Variants in LRP5 observed in about 807,000 individuals in gnomAD.
LRP5 encodes the protein LDL receptor related protein 5.
In LRP5, 62 loss-of-function variants were observed where a neutral mutation model predicts 154.1. The observed-to-expected ratio is 0.40, with a 90% confidence interval of 0.33 to 0.50. The LOEUF (loss-of-function observed/expected upper bound fraction) is 0.50. Ranked by LOEUF, LRP5 falls within the 20% of genes least tolerant of loss-of-function variation. LRP5 has a pLI of 0.55. For synonymous variants in LRP5, 966 were observed against 1,011.5 expected (o/e 0.96, Z 0.85); for missense variants, 1,915 against 2,336.7 (o/e 0.82, Z 3.72).
In LRP5 at chr11:68,423,439, C is replaced by T. The variant is rs1271746531; in HGVS notation, c.3028-50C>T. 1.3e-6 allele frequency: 2 copies of T among 1,560,270 alleles called. No homozygotes were observed. The highest frequency in any genetic ancestry group is 4.5e-5 in the East Asian group (2 of 44,626). ...CCAGTGCCAGGGGTCTCCGCCAGTG[C>T]CCAGGGGTCTCCGCCAGTGCTCAGG... On this transcript the variant is annotated intron_variant, in intron 13 of 22. Coordinates refer to ENST00000294304, the MANE Select transcript of LRP5 (RefSeq NM_002335.4). The surrounding 1 kb of genome is among the most constrained non-coding windows in gnomAD (Gnocchi z 4.7).
At chr11:68,365,958 G>A (rs1282629784) in intron 5 of LRP5, among the ~76,000 whole-genome samples, 1 of 152,046 alleles carries the variant, frequency 6.6e-6, no homozygotes, top group Non-Finnish European at 1.5e-5. Flanking sequence ...TTTACTCTCC[G>A]CCTTGGTCCT....
At chr11:68,391,924 C>T (rs2098646573) in intron 7 of LRP5, among the ~76,000 whole-genome samples, 1 of 152,208 alleles carries the variant, frequency 6.6e-6, no homozygotes, top group African/African-American at 2.4e-5. Flanking sequence ...TCGCTGTAGC[C>T]TCAATCTCCC....
rs114147743 is a variant in LRP5, at chr11:68,395,954, A to G, written c.1584+5902A>G. Among the ~76,000 whole-genome samples the G allele has an allele frequency of 7.2e-3, 1,096 of 152,106 alleles. 18 individuals are homozygous for G. Among genetic ancestry groups the G allele is most frequent in the African/African-American group, 0.025 (1,037 of 41,496 alleles). ...AGCAAACCCTCCTGGCACTTTGTTC[A>G]GGGGTGGATGCGCCAGTGTTCCTGC... On this transcript the variant is annotated intron_variant, in intron 7 of 22. Coordinates refer to ENST00000294304, the MANE Select transcript of LRP5 (RefSeq NM_002335.4).
In LRP5 at chr11:68,388,031, GGCAGCAGGCAGCGGGAGT is replaced by G. The variant is rs983645907; in HGVS notation, c.1412+1337_1412+1354del. ...CTGGTGTCTAGGAGCCAGCATGTCA[GGCAGCAGGCAGCGGGAGT>G]GCAGCAGGCAGCGGGAGCACAGCAG... On this transcript the variant is annotated intron_variant, in intron 6 of 22. Transcript: ENST00000294304. Among the ~76,000 whole-genome samples the G allele has an allele frequency of 9.9e-5, 15 of 152,122 alleles. 1 individual carries two copies. Among genetic ancestry groups the G allele is most frequent in the African/African-American group, 2.7e-4 (11 of 41,410 alleles).
At chr11:68,380,080 T>G (rs1360611814) in intron 5 of LRP5, among the ~76,000 whole-genome samples, 4 of 152,064 alleles carry the variant, frequency 2.6e-5, no homozygotes, top group Non-Finnish European at 5.9e-5. Context: ...TTACAGTGAG[T>G]CGAGATCGCG....
intron 2 of LRP5, among the ~76,000 whole-genome samples, chr11:68,349,001 C>G (rs1001310803): frequency 6.7e-6 from 1 of 148,888 alleles, no homozygotes; most frequent in Non-Finnish European, 1.5e-5. Flanking sequence ...GGAATTACTT[C>G]CCCTTGAGAT....
At chr11:68,439,323 A>G (rs2098676817) in intron 20 of LRP5, among the ~76,000 whole-genome samples, 2 of 151,936 alleles carry the variant, frequency 1.3e-5, no homozygotes, top group Non-Finnish European at 2.9e-5. Flanking sequence ...GTCCTGTCCC[A>G]CTGTCACCCC....
rs866225406 is a variant in LRP5, at chr11:68,414,635, C to T, written c.2827+623C>T. On this transcript the variant is annotated intron_variant, in intron 12 of 22. Transcript: ENST00000294304. Reference sequence around the variant, plus strand: ...GGCCCCTCTGGAGTACAGGTGTTTCCTGTTGGCGGGCTCTTCCCCCATGAC... The same window carrying T: ...GGCCCCTCTGGAGTACAGGTGTTTCTTGTTGGCGGGCTCTTCCCCCATGAC... 2.6e-5 allele frequency among the ~76,000 whole-genome samples: 4 copies of T among 152,184 alleles called. No homozygotes were observed. In the South Asian group the frequency reaches 8.3e-4, roughly 31 times the overall value.
At chr11:68,416,617 G>T in intron 13 of LRP5, 90 bp downstream of exon 13, 1 of 1,242,478 alleles carries the variant, frequency 8.0e-7, no homozygotes, top group South Asian at 1.3e-5. Context: ...CTTAGCAGAG[G>T]GAGGAAACAG....
At chr11:68,348,304 C>G in intron 2 of LRP5, 61 bp downstream of exon 2, 1 of 1,589,008 alleles carries the variant, frequency 6.3e-7, no homozygotes, top group Non-Finnish European at 8.5e-7. Flanking sequence ...ATCTCTCTCT[C>G]GAATTTGCAT....
chr11:68,318,457 A>G (rs1333513398), intron 1 of LRP5, among the ~76,000 whole-genome samples: 2 of 150,302 alleles, frequency 1.3e-5, no homozygotes, highest in Non-Finnish European at 2.9e-5. Context: ...CTCTCACCTC[A>G]GCCCGCAAGT....
In LRP5 at chr11:68,416,314, T is replaced by C. The variant is rs1187683708; in HGVS notation, c.2828-14T>C. The C allele has an allele frequency of 6.2e-7, 1 of 1,613,430 alleles. No homozygotes were observed. Among genetic ancestry groups the C allele is most frequent in the South Asian group, 1.1e-5 (1 of 91,044 alleles). ...ACAGACACCCACCTGCAGCCCTGTC[T>C]TTGCCTCCTCTAGCGCCCACCACCT... is the stretch of plus-strand genomic sequence containing the variant. On this transcript the variant is annotated splice_polypyrimidine_tract_variant and intron_variant, in intron 12 of 22. Coordinates refer to ENST00000294304, the MANE Select transcript of LRP5 (RefSeq NM_002335.4).
At chr11:68,375,933 T>C (rs2153146445) in intron 5 of LRP5, among the ~76,000 whole-genome samples, 1 of 152,330 alleles carries the variant, frequency 6.6e-6, no homozygotes, top group East Asian at 1.9e-4. Context: ...TAGAGTGCCC[T>C]GCACTTGTGA....
chr11:68,425,052 C>T (rs374325095), intron 14 of LRP5, 50 bp from the exon 15 acceptor site: 17 of 1,571,346 alleles, frequency 1.1e-5, no homozygotes, highest in African/African-American at 4.0e-5. Context: ...CCGTGCTGTC[C>T]GAGGAGACGC....
chr11:68,442,131 T>C (rs1329093402), intron 21 of LRP5, among the ~76,000 whole-genome samples: 1 of 152,230 alleles, frequency 6.6e-6, no homozygotes, highest in Non-Finnish European at 1.5e-5. Context: ...TAATTGTAGA[T>C]TTATGTGCAG....
At chr11:68,325,103 C>A (rs1237649196) in intron 1 of LRP5, among the ~76,000 whole-genome samples, 3 of 152,196 alleles carry the variant, frequency 2.0e-5, no homozygotes, top group Non-Finnish European at 4.4e-5. Context: ...CCCATCACCC[C>A]CCACCCCTGG....
chr11:68,314,040 G>A (rs923414982), intron 1 of LRP5, among the ~76,000 whole-genome samples: 1 of 152,186 alleles, frequency 6.6e-6, no homozygotes, highest in African/African-American at 2.4e-5. Flanking sequence ...TTTCAGGAGC[G>A]TGTTTACATT....
At chr11:68,302,348 A>G in the LRP5 span, among the ~76,000 whole-genome samples, 4 of 78,606 alleles carry the variant, frequency 5.1e-5, no homozygotes, top group South Asian at 3.9e-3. Flanking sequence ...TCCATCTCAA[A>G]AAAAAAAAAA....
chr11:68,391,903 G>A (rs1426485557), intron 7 of LRP5, among the ~76,000 whole-genome samples: 1 of 152,196 alleles, frequency 6.6e-6, no homozygotes, highest in Admixed American at 6.5e-5. Context: ...GTGCAGTGGC[G>A]CAATCACGGC....
Sources: gnomAD v4.1 joint callset for allele counts (sites outside exome capture counted in the v4.1 genomes callset) on GRCh38, gnomAD v4.1.1 for gene constraint, Gnocchi (gnomAD v3.1) non-coding constraint, MANE v1.5 for transcripts, NCBI Gene and HGNC (gene_info 2026-07-23, HGNC 2026-07-21) for gene names.